ZBTB41: variants seen among roughly 807,000 people sequenced by gnomAD.
ZBTB41 encodes zinc finger and BTB domain containing 41.
A neutral mutation model predicts 87.6 loss-of-function variants in ZBTB41; 42 were observed. The ratio of observed to expected loss-of-function variants is 0.48; its 90% confidence interval spans 0.37 to 0.62. The LOEUF is 0.62. Among genes scored for constraint, ZBTB41 ranks in the 20% least tolerant of loss-of-function variants. The pLI, the probability that ZBTB41 is intolerant of heterozygous loss-of-function variation, is 0.00. For missense variants in ZBTB41, 799 were observed against 1,078.9 expected, an observed-to-expected ratio of 0.74 and a Z score of 3.63; for synonymous variants, 364 against 364.0, an observed-to-expected ratio of 1.00 and a Z score of 0.00.
At chr1:197,164,148 T>G (rs749805445) in intron 10 of ZBTB41, among the ~76,000 whole-genome samples, 11 of 152,158 alleles carry the variant, frequency 7.2e-5, no homozygotes, top group South Asian at 2.1e-4. Context: ...ATAAGGTATT[T>G]GCAGTTTCTG....
chr1:197,181,126 G>GAA lies in ZBTB41; in HGVS notation c.1547-11_1547-10dup, dbSNP rs747785997. The GAA allele has an allele frequency of 2.9e-5, 35 of 1,209,412 alleles. No individual in the cohort carries two copies. The highest frequency in any genetic ancestry group is 1.2e-4 in the East Asian group (4 of 32,884). 74.9% of individuals were successfully genotyped at this position (1,209,412 alleles called of 1,614,324 possible). ...ATCACATGGAAAAGGACCTAAAAAG[G>GAA]AAAAAAAAAAAGTGTGCATTTAAAG... On this transcript the variant is annotated splice_polypyrimidine_tract_variant and intron_variant, in intron 5 of 10. Coordinates refer to ENST00000367405, the MANE Select transcript of ZBTB41 (RefSeq NM_194314.3).
In ZBTB41 at chr1:197,153,886, T is replaced by C. The variant is rs1407193954; in HGVS notation, c.*5473A>G. ...TTCACAATAATTAATTCTGATATTT[T>C]AGATTTTTCTGTCATTGCTTTTAAA... is the stretch of plus-strand genomic sequence containing the variant. On this transcript the variant is annotated 3_prime_UTR_variant, in exon 11 of 11. Coordinates refer to ENST00000367405, the MANE Select transcript of ZBTB41 (RefSeq NM_194314.3). 2 of 152,192 alleles carry C rather than the reference T, an allele frequency of 1.3e-5. No homozygotes were observed. The highest frequency in any genetic ancestry group is 1.5e-5 in the Non-Finnish European group (1 of 68,002). The allele number at this position is 152,192 out of a possible 1,614,324, so 9.4% of individuals were successfully genotyped here. A position where few individuals can be genotyped will look rare whatever the true frequency, so the allele number is the denominator to read the frequency against.
intron 2 of ZBTB41, among the ~76,000 whole-genome samples, chr1:197,197,315 T>A (rs1470196087): frequency 6.6e-6 from 1 of 151,658 alleles, no homozygotes; most frequent in Non-Finnish European, 1.5e-5. Context: ...TAGCGATATA[T>A]GAATAAGATA....
At position 197,190,840 on chromosome 1, in the gene ZBTB41, G is replaced by C. The variant is rs1197190513; in HGVS notation, c.1329-9C>G. 6.5e-7 allele frequency: 1 copy of C among 1,539,772 alleles called. No homozygotes were observed. The highest frequency in any genetic ancestry group is 1.8e-5 in the Admixed American group (1 of 54,740). On this transcript the variant is annotated splice_polypyrimidine_tract_variant and intron_variant, in intron 3 of 10. Coordinates refer to ENST00000367405, the MANE Select transcript of ZBTB41 (RefSeq NM_194314.3). ...CATTTTCAGGATGAAATCTATCAGA[G>C]GAAAAGAAAAAGATTATTAGGAAAA...
intron 4 of ZBTB41, among the ~76,000 whole-genome samples, chr1:197,188,853 T>G (rs1659949165): frequency 6.6e-6 from 1 of 152,188 alleles, no homozygotes; most frequent in Non-Finnish European, 1.5e-5. Context: ...TCTCTTGAAG[T>G]GGTCAGTCTA....
chr1:197,195,076 A>G (rs986799405), intron 2 of ZBTB41, among the ~76,000 whole-genome samples: 11 of 152,288 alleles, frequency 7.2e-5, no homozygotes, highest in African/African-American at 2.4e-4. Context: ...CTCTACTTTC[A>G]TGGAGTGGGG....
chr1:197,182,681 T>C (rs1659779514), intron 5 of ZBTB41, among the ~76,000 whole-genome samples: 1 of 152,176 alleles, frequency 6.6e-6, no homozygotes, highest in Non-Finnish European at 1.5e-5. Context: ...TACATATCTT[T>C]CCCTCTGATT....
At position 197,154,744 on chromosome 1, in the gene ZBTB41, G is replaced by A. The variant is rs1659026245; in HGVS notation, c.*4615C>T. ...AATGTGGAAAAGGGTAGGATATAAG[G>A]AAGAACTGTCTAGTTTCTAGAAGTC... On this transcript the variant is annotated 3_prime_UTR_variant, in exon 11 of 11. Coordinates refer to ENST00000367405, the MANE Select transcript of ZBTB41 (RefSeq NM_194314.3). 6.6e-6 allele frequency: 1 copy of A among 152,374 alleles called. No individual in the cohort carries two copies. The highest frequency in any genetic ancestry group is 1.5e-5 in the Non-Finnish European group (1 of 67,872). 9.4% of individuals were successfully genotyped at this position (152,374 alleles called of 1,614,324 possible).
intron 5 of ZBTB41, among the ~76,000 whole-genome samples, chr1:197,184,770 C>G (rs1304310303): frequency 6.6e-6 from 1 of 150,836 alleles, no homozygotes; most frequent in African/African-American, 2.4e-5. Context: ...GACTAAAAGT[C>G]AGATCACTTC....
chr1:197,179,301 T>C (rs1216490467), intron 6 of ZBTB41, among the ~76,000 whole-genome samples: 18 of 152,148 alleles, frequency 1.2e-4, no homozygotes, highest in Admixed American at 1.2e-3. Flanking sequence ...ACAACGGAGC[T>C]ACACAATTCC....
At chr1:197,182,938 C>G (rs1659789940) in intron 5 of ZBTB41, among the ~76,000 whole-genome samples, 1 of 152,114 alleles carries the variant, frequency 6.6e-6, no homozygotes, top group Non-Finnish European at 1.5e-5. Flanking sequence ...ATATACCAAA[C>G]TGCATGAAGC....
intron 3 of ZBTB41, among the ~76,000 whole-genome samples, 156 bp from the exon 4 acceptor site, chr1:197,190,987 T>C (rs1028179441): frequency 6.6e-6 from 1 of 152,206 alleles, no homozygotes; most frequent in Non-Finnish European, 1.5e-5. Flanking sequence ...AAGGTATCAT[T>C]ATCATTTTAA....
intron 2 of ZBTB41, among the ~76,000 whole-genome samples, chr1:197,194,053 C>T (rs909874219): frequency 3.3e-5 from 5 of 151,786 alleles, no homozygotes; most frequent in African/African-American, 1.2e-4. Context: ...CGGAGTTTTG[C>T]TCTTGTCCAG....
intron 5 of ZBTB41, among the ~76,000 whole-genome samples, chr1:197,182,511 A>C (rs1426877329): frequency 6.6e-6 from 1 of 152,016 alleles, no homozygotes; most frequent in Non-Finnish European, 1.5e-5. Context: ...TCCTGGGCTC[A>C]AGTGATCCTC....
intron 5 of ZBTB41, 112 bp from the exon 6 acceptor site, chr1:197,181,229 A>G: frequency 1.1e-6 from 1 of 882,708 alleles, no homozygotes; most frequent in Non-Finnish European, 1.6e-6. Context: ...ATATGTCATA[A>G]TACACTGCAA....
Position 197,200,143 on chromosome 1 carries a change from T to G in ZBTB41, c.331A>C (p.Ser111Arg). 1 of 1,613,978 alleles carries G rather than the reference T, an allele frequency of 6.2e-7. No individual in the cohort carries two copies. Among genetic ancestry groups the G allele is most frequent in the South Asian group, 1.1e-5 (1 of 91,072 alleles). Residue 111 changes from serine (S) to arginine (R), a missense_variant, in exon 2 of 11, where the codon AGT (serine) becomes CGT (arginine). Physicochemically the swap from Ser to Arg is moderately radical, Grantham distance 110. Around this residue, in one of 5 missense-constraint regions of ZBTB41, gnomAD observed 59 missense variants for 120.1 expected, o/e 0.49. Coordinates refer to ENST00000367405, the MANE Select transcript of ZBTB41 (RefSeq NM_194314.3). ...TTGCTCAAACACGCATGAAAATAAC[T>G]ACTGCCGACAGCAACGACTACTTTA... is the stretch of plus-strand genomic sequence containing the variant. ...AHKVVVAVGS[S>R]YFHACLSKNP...
chr1:197,181,218 C>T lies in ZBTB41; in HGVS notation c.1547-101G>A. 6 of 1,068,376 alleles carry T rather than the reference C, an allele frequency of 5.6e-6. No homozygotes were observed. In the South Asian group the frequency reaches 6.9e-5, roughly 12 times the overall value. 66.2% of individuals were successfully genotyped at this position (1,068,376 alleles called of 1,614,324 possible). A position where few individuals can be genotyped will look rare whatever the true frequency, so the allele number is the denominator to read the frequency against. On this transcript the variant is annotated intron_variant, in intron 5 of 10. Transcript: ENST00000367405. ...TAAGTTCATGCCTATCCTATTGGTG[C>T]ATATGTCATAATACACTGCAATTTC... is the stretch of plus-strand genomic sequence containing the variant.
intron 7 of ZBTB41, 80 bp from the exon 8 acceptor site, chr1:197,176,750 A>C: frequency 2.0e-6 from 2 of 981,464 alleles, no homozygotes; most frequent in Admixed American, 1.9e-5. Flanking sequence ...AATGATGAAT[A>C]AACAATGAAA....
intron 2 of ZBTB41, among the ~76,000 whole-genome samples, chr1:197,195,848 T>C (rs1183680605): frequency 2.6e-5 from 4 of 152,050 alleles, no homozygotes; most frequent in Non-Finnish European, 4.4e-5. Context: ...TAAGGAAAAA[T>C]ATAACTGGAA....
Sources: gnomAD v4.1 joint callset for allele counts (sites outside exome capture counted in the v4.1 genomes callset) on GRCh38, gnomAD v4.1.1 for gene constraint, gnomAD v4.1.1 regional missense constraint, MANE v1.5 for transcripts, NCBI Gene and HGNC (gene_info 2026-07-23, HGNC 2026-07-21) for gene names.